Variants in RSU1 observed in about 807,000 individuals in gnomAD.
The protein encoded by RSU1 is Ras suppressor protein 1.
A neutral mutation model predicts 31.1 loss-of-function variants in RSU1; 26 were observed. That is an observed-to-expected ratio of 0.84 (90% CI 0.61 to 1.16). The LOEUF is 1.16. Ranked by LOEUF, RSU1 falls within the 50% of genes most tolerant of loss-of-function variation. The probability of loss-of-function intolerance (pLI) is 0.00; values close to 1 mark genes in which losing one functional copy is unlikely to be tolerated. For missense variants in RSU1, 320 were observed against 339.1 expected (o/e 0.94, Z 0.44); for synonymous variants, 164 against 136.3 (o/e 1.20, Z -1.41).
chr10:16,768,545 AG>A (rs1469483738), intron 3 of RSU1, among the ~76,000 whole-genome samples: 1 of 152,192 alleles, frequency 6.6e-6, no homozygotes, highest in Admixed American at 6.5e-5. Context: ...CTCTAGCCAC[AG>A]GATCACAGGA....
chr10:16,759,831 T>G (rs1402136484), intron 4 of RSU1, among the ~76,000 whole-genome samples: 1 of 152,206 alleles, frequency 6.6e-6, no homozygotes, highest in Non-Finnish European at 1.5e-5. Context: ...CTTACAATCA[T>G]CAGAATAAAC....
chr10:16,612,305 C>A (rs536840718), intron 8 of RSU1, among the ~76,000 whole-genome samples: 4 of 152,152 alleles, frequency 2.6e-5, no homozygotes, highest in African/African-American at 7.2e-5. Flanking sequence ...AAGGAGGAGG[C>A]CTTGGATATG....
At chr10:16,800,517 C>A (rs1188214476) in intron 2 of RSU1, among the ~76,000 whole-genome samples, 1 of 152,140 alleles carries the variant, frequency 6.6e-6, no homozygotes, top group African/African-American at 2.4e-5. Flanking sequence ...GACATGTCAA[C>A]AGAAACTTCC....
chr10:16,747,656 C>T (rs777762110), intron 7 of RSU1, among the ~76,000 whole-genome samples: 7 of 152,212 alleles, frequency 4.6e-5, no homozygotes, highest in Non-Finnish European at 7.4e-5. Flanking sequence ...ATGATAGTCT[C>T]CTATCTCTCA....
intron 7 of RSU1, among the ~76,000 whole-genome samples, chr10:16,744,697 A>C (rs925681905): frequency 3.9e-5 from 6 of 152,234 alleles, no homozygotes; most frequent in Non-Finnish European, 7.3e-5. Context: ...TACACAGAAC[A>C]ACCAGAACTT....
At chr10:16,678,695 A>G (rs1403712684) in intron 8 of RSU1, among the ~76,000 whole-genome samples, 1 of 152,264 alleles carries the variant, frequency 6.6e-6, no homozygotes, top group East Asian at 1.9e-4. Context: ...ATACATGTGA[A>G]AATAGGACAT....
In RSU1 at chr10:16,760,718, C is replaced by T. The variant is rs545465143; in HGVS notation, c.281+3672G>A. On this transcript the variant is annotated intron_variant, in intron 4 of 8. Transcript: ENST00000345264. Reference sequence around the variant, plus strand: ...ATCAGTTACTGTCTGTCAACGTTACCGCCTGTATATTTTTCATATAAAATC... The same window carrying T: ...ATCAGTTACTGTCTGTCAACGTTACTGCCTGTATATTTTTCATATAAAATC... Among the ~76,000 whole-genome samples the T allele has an allele frequency of 7.2e-5, 11 of 151,984 alleles. No individual in the cohort carries two copies. In the East Asian group the frequency reaches 1.4e-3, roughly 19 times the overall value.
At chr10:16,802,720 CA>C (rs1838184516) in intron 2 of RSU1, among the ~76,000 whole-genome samples, 1 of 145,848 alleles carries the variant, frequency 6.9e-6, no homozygotes, top group Non-Finnish European at 1.5e-5. Context: ...TCCAGGTATG[CA>C]AAGGTGGTTC....
At chr10:16,703,205 G>T (rs1835829762) in intron 7 of RSU1, among the ~76,000 whole-genome samples, 1 of 152,134 alleles carries the variant, frequency 6.6e-6, no homozygotes. Context: ...GCAGAACTCT[G>T]AGCCAATTAA....
intron 2 of RSU1, among the ~76,000 whole-genome samples, chr10:16,785,524 A>G (rs576710058): frequency 6.8e-6 from 1 of 148,096 alleles, no homozygotes; most frequent in Admixed American, 6.8e-5. Context: ...ATATATATAT[A>G]TAATATTAGT....
intron 3 of RSU1, among the ~76,000 whole-genome samples, chr10:16,771,336 G>A (rs1837421023): frequency 6.6e-6 from 1 of 152,106 alleles, no homozygotes; most frequent in Admixed American, 6.5e-5. Context: ...ATGAAGTAAG[G>A]GAGGAAAAAA....
chr10:16,804,315 C>A (rs541856810), intron 2 of RSU1, among the ~76,000 whole-genome samples: 50 of 152,282 alleles, frequency 3.3e-4, no homozygotes, highest in Middle Eastern at 3.4e-3. Context: ...ACCAACAACA[C>A]CAAATGCTGG....
intron 8 of RSU1, among the ~76,000 whole-genome samples, chr10:16,614,023 G>A (rs770294643): frequency 3.9e-5 from 6 of 152,066 alleles, no homozygotes; most frequent in African/African-American, 1.2e-4. Flanking sequence ...TAGCATTAAC[G>A]CCAGAAAAAT....
chr10:16,797,190 C>T (rs936379551), intron 2 of RSU1, among the ~76,000 whole-genome samples: 4 of 152,048 alleles, frequency 2.6e-5, no homozygotes, highest in African/African-American at 9.7e-5. Context: ...CTGGATAAGA[C>T]AGAAATAATA....
At chr10:16,767,820 T>C (rs1308472496) in intron 3 of RSU1, among the ~76,000 whole-genome samples, 1 of 152,108 alleles carries the variant, frequency 6.6e-6, no homozygotes, top group African/African-American at 2.4e-5. Context: ...GGTATCAAAG[T>C]CAATCAACTG....
chr10:16,623,622 C>T (rs1323830178), intron 8 of RSU1, among the ~76,000 whole-genome samples: 1 of 152,176 alleles, frequency 6.6e-6, no homozygotes, highest in Non-Finnish European at 1.5e-5. Context: ...AGTGATTGAA[C>T]TAACTCATAT....
intron 2 of RSU1, among the ~76,000 whole-genome samples, chr10:16,785,084 G>A (rs1301760978): frequency 2.2e-4 from 34 of 152,142 alleles, no homozygotes; most frequent in Admixed American, 2.2e-3. Context: ...TGAGGGTGTT[G>A]CCAAAGGAGA....
rs372886825 is a variant in RSU1, at chr10:16,761,413, A to C, written c.281+2977T>G. Among the ~76,000 whole-genome samples, 16 of 152,280 alleles carry C rather than the reference A, an allele frequency of 1.1e-4. No homozygotes were observed. In the South Asian group the frequency reaches 3.1e-3, roughly 30 times the overall value. On this transcript the variant is annotated intron_variant, in intron 4 of 8. Coordinates refer to ENST00000345264, the MANE Select transcript of RSU1 (RefSeq NM_012425.4). ...CTGGTACATGGTAAGGAACTTGGTA[A>C]ATCCTCATTCACTGAACAACAGACA...
At chr10:16,760,243 C>T (rs998504164) in intron 4 of RSU1, among the ~76,000 whole-genome samples, 2 of 152,218 alleles carry the variant, frequency 1.3e-5, no homozygotes, top group Non-Finnish European at 2.9e-5. Flanking sequence ...GGCGCAGTGG[C>T]TCATGCCTGT....
Sources: gnomAD v4.1 joint callset for allele counts (sites outside exome capture counted in the v4.1 genomes callset) on GRCh38, gnomAD v4.1.1 for gene constraint, MANE v1.5 for transcripts, NCBI Gene and HGNC (gene_info 2026-07-23, HGNC 2026-07-21) for gene names.